Variants in MRPS18B observed in about 807,000 individuals in gnomAD.
MRPS18B encodes small ribosomal subunit protein mS40.
A neutral mutation model predicts 28.4 loss-of-function variants in MRPS18B; 27 were observed. That is an observed-to-expected ratio of 0.95 (90% CI 0.70 to 1.31). The LOEUF (loss-of-function observed/expected upper bound fraction) is 1.31, where lower values mean the gene tolerates loss of function less well. Ranked by LOEUF, MRPS18B falls within the 40% of genes most tolerant of loss-of-function variation. MRPS18B has a pLI of 0.00. For synonymous variants in MRPS18B, 118 were observed against 123.7 expected, an observed-to-expected ratio of 0.95 and a Z score of 0.30; for missense variants, 343 against 335.9, an observed-to-expected ratio of 1.02 and a Z score of -0.17.
chr6:30,619,629 C>G lies in MRPS18B; in HGVS notation c.187+28C>G, dbSNP rs114148005. 9,820 of 1,608,868 alleles carry G rather than the reference C, an allele frequency of 6.1e-3. 44 individuals are homozygous for G. Among genetic ancestry groups the G allele is most frequent in the Non-Finnish European group, 7.4e-3 (8,701 of 1,176,192 alleles). On this transcript the variant is annotated intron_variant, in intron 2 of 6. Coordinates refer to ENST00000259873, the MANE Select transcript of MRPS18B (RefSeq NM_014046.4). ...ACCTCTAAAGGGGGAAAGGGAGGGTCAGATAGGATTTGAGATAAGTGGACA... is the reference window on the plus strand; with the variant it reads ...ACCTCTAAAGGGGGAAAGGGAGGGTGAGATAGGATTTGAGATAAGTGGACA...
At position 30,624,923 on chromosome 6, in the gene MRPS18B, C is replaced by G; in HGVS notation, c.462C>G (p.Ile154Met). ...VKQHKRLTQA[I>M]QKARDHGLLI... ...AGCACAAGCGGTTGACCCAGGCCAT[C>G]CAGAAAGCCAGGGATCATGGTGAGC... The change falls in exon 6 of 7, where the codon ATC becomes ATG. Residue 154 changes from isoleucine (I) to methionine (M), a missense_variant. Physicochemically the swap from Ile to Met is conservative, Grantham distance 10. Transcript: ENST00000259873. The G allele has an allele frequency of 6.2e-7, 1 of 1,613,008 alleles. No individual in the cohort carries two copies. Among genetic ancestry groups the G allele is most frequent in the South Asian group, 1.1e-5 (1 of 91,080 alleles).
chr6:30,623,087 A>C (rs780568086), intron 5 of MRPS18B, among the ~76,000 whole-genome samples, 189 bp downstream of exon 5: 1 of 152,152 alleles, frequency 6.6e-6, no homozygotes, highest in Non-Finnish European at 1.5e-5. Flanking sequence ...CAACAAATAC[A>C]GCCAGGCGTG....
At position 30,619,999 on chromosome 6, in the gene MRPS18B, GTCTTT is replaced by G; in HGVS notation, c.354+17_354+21del. Reference sequence around the variant, plus strand: ...GCATGTTGACTTTAGGGTAAGGAGAGTCTTTTCTTTTTAGGGTAAGAAAAATAAAG... The same window carrying G: ...GCATGTTGACTTTAGGGTAAGGAGAGTCTTTTTAGGGTAAGAAAAATAAAG... On this transcript the variant is annotated intron_variant, in intron 4 of 6. Transcript: ENST00000259873. 3 of 1,613,136 alleles carry G rather than the reference GTCTTT, an allele frequency of 1.9e-6. No individual in the cohort carries two copies. Among genetic ancestry groups the G allele is most frequent in the African/African-American group, 1.3e-5 (1 of 74,994 alleles).
chr6:30,619,832 A>T, intron 3 of MRPS18B, 26 bp downstream of exon 3: 3 of 1,610,426 alleles, frequency 1.9e-6, no homozygotes, highest in Non-Finnish European at 1.7e-6. Flanking sequence ...TGGGATGTGG[A>T]GTGCGGGGAG....
chr6:30,625,908 C>T lies in MRPS18B; in HGVS notation c.*111C>T. ...TTGATCCCAGGAGTTTGAGACCAGCCTGGGCACCATGGTGAAACCTCGTCT... is the reference window on the plus strand; with the variant it reads ...TTGATCCCAGGAGTTTGAGACCAGCTTGGGCACCATGGTGAAACCTCGTCT... On this transcript the variant is annotated 3_prime_UTR_variant, in exon 7 of 7. Coordinates refer to ENST00000259873, the MANE Select transcript of MRPS18B (RefSeq NM_014046.4). 5 of 1,212,530 alleles carry T rather than the reference C, an allele frequency of 4.1e-6. No homozygotes were observed. Among genetic ancestry groups the T allele is most frequent in the Non-Finnish European group, 5.8e-6 (5 of 866,858 alleles). The allele number at this position is 1,212,530 out of a possible 1,614,324, so 75.1% of individuals were successfully genotyped here. A position where few individuals can be genotyped will look rare whatever the true frequency, so the allele number is the denominator to read the frequency against.
Position 30,624,952 on chromosome 6 carries a change from AGAC to A in MRPS18B, c.481+12_481+14del. The A allele has an allele frequency of 6.2e-6, 10 of 1,612,984 alleles. No individual in the cohort carries two copies. Among genetic ancestry groups the A allele is most frequent in the Non-Finnish European group, 8.5e-6 (10 of 1,179,910 alleles). ...AAAGCCAGGGATCATGGTGAGCATG[AGAC>A]GGGGCACACAGCAGTTTTGTTTAGG... On this transcript the variant is annotated intron_variant, in intron 6 of 6. Transcript: ENST00000259873.
At chr6:30,620,040 G>A in intron 4 of MRPS18B, 51 bp downstream of exon 4, 1 of 1,574,140 alleles carries the variant, frequency 6.4e-7, no homozygotes, top group Non-Finnish European at 8.7e-7. Context: ...ATTAGGGGCT[G>A]GGCGCGGTGG....
rs774090947 is a variant in MRPS18B at position 30,617,877 on chromosome 6, T to G, written c.12T>G (p.Ser4=). Residue 4 remains serine (S), a synonymous_variant, in exon 1 of 7, where the codon TCT becomes TCG. Transcript: ENST00000259873. MAA[S]VLNTVLRRLP... is the part of the protein sequence containing the mutation. ...GGGCGTACGTCAAGATGGCGGCGTC[T>G]GTATTAAACACCGTGCTGAGGCGGC... 6.2e-7 allele frequency: 1 copy of G among 1,614,100 alleles called. No individual in the cohort carries two copies. Among genetic ancestry groups the G allele is most frequent in the East Asian group, 2.2e-5 (1 of 44,898 alleles).
intron 5 of MRPS18B, 78 bp from the exon 6 acceptor site, chr6:30,624,805 C>T (rs986254753): frequency 7.3e-6 from 11 of 1,513,448 alleles, no homozygotes; most frequent in Non-Finnish European, 1.0e-5. Context: ...CCCAATCTAC[C>T]CCTCTGTCAC....
At chr6:30,620,088 C>G in intron 4 of MRPS18B, 99 bp downstream of exon 4, 2 of 1,119,770 alleles carry the variant, frequency 1.8e-6, no homozygotes, top group Non-Finnish European at 1.3e-6. Flanking sequence ...GAGGCCAAGG[C>G]AGGTGGATCA....
rs1392287114 is a variant in MRPS18B at position 30,619,999 on chromosome 6, G to A, written c.354+10G>A. ...GCATGTTGACTTTAGGGTAAGGAGAGTCTTTTCTTTTTAGGGTAAGAAAAA... is the reference window on the plus strand; with the variant it reads ...GCATGTTGACTTTAGGGTAAGGAGAATCTTTTCTTTTTAGGGTAAGAAAAA... On this transcript the variant is annotated intron_variant, in intron 4 of 6. Coordinates refer to ENST00000259873, the MANE Select transcript of MRPS18B (RefSeq NM_014046.4). 3.1e-6 allele frequency: 5 copies of A among 1,613,018 alleles called. No individual in the cohort carries two copies. In the African/African-American group the frequency reaches 5.3e-5, roughly 17 times the overall value.
At chr6:30,620,673 G>C (rs928330395) in intron 4 of MRPS18B, among the ~76,000 whole-genome samples, 1 of 151,914 alleles carries the variant, frequency 6.6e-6, no homozygotes, top group African/African-American at 2.4e-5. Context: ...GGGTTCAAGC[G>C]ATTCTCCCGC....
At chr6:30,621,753 GGCCAACAAGGTGAAAC>G (rs1350632263) in intron 4 of MRPS18B, among the ~76,000 whole-genome samples, 4 of 152,170 alleles carry the variant, frequency 2.6e-5, no homozygotes, top group Non-Finnish European at 5.9e-5. Context: ...AGACCAGCCT[GGCCAACAAGGTGAAAC>G]GCCGTCTCTA....
chr6:30,625,813 A>T lies in MRPS18B; in HGVS notation c.*16A>T. 6.3e-7 allele frequency: 1 copy of T among 1,592,002 alleles called. No homozygotes were observed. The highest frequency in any genetic ancestry group is 8.6e-7 in the Non-Finnish European group (1 of 1,164,202). On this transcript the variant is annotated 3_prime_UTR_variant, in exon 7 of 7. Coordinates refer to ENST00000259873, the MANE Select transcript of MRPS18B (RefSeq NM_014046.4). ...TGCTCTGTAGGAGCTGTAGACTGGG[A>T]AGAGAGGCCAGGCGTGGTGGCTCAC...
chr6:30,623,383 C>T (rs898833885), intron 5 of MRPS18B, among the ~76,000 whole-genome samples: 1 of 151,760 alleles, frequency 6.6e-6, no homozygotes, highest in African/African-American at 2.4e-5. Flanking sequence ...TGTAAGCAAA[C>T]TATCTAAATG....
intron 4 of MRPS18B, among the ~76,000 whole-genome samples, chr6:30,622,627 G>A (rs1032519119): frequency 2.0e-5 from 3 of 150,432 alleles, no homozygotes; most frequent in Admixed American, 1.3e-4. Context: ...TGGGAGCACA[G>A]TGACAGAATA....
chr6:30,619,404 G>T, intron 1 of MRPS18B, 89 bp from the exon 2 acceptor site: 3 of 1,013,570 alleles, frequency 3.0e-6, no homozygotes, highest in Non-Finnish European at 4.6e-6. Context: ...TGCAGTATGT[G>T]TGCATTCCTC....
chr6:30,625,834 C>T lies in MRPS18B; in HGVS notation c.*37C>T, dbSNP rs1467733698. 1.9e-6 allele frequency: 3 copies of T among 1,569,672 alleles called. No individual in the cohort carries two copies. Among genetic ancestry groups the T allele is most frequent in the Admixed American group, 1.8e-5 (1 of 56,832 alleles). Reference sequence around the variant, plus strand: ...TGGGAAGAGAGGCCAGGCGTGGTGGCTCACTCCTGTAATCCCAGCACTTTG... The same window carrying T: ...TGGGAAGAGAGGCCAGGCGTGGTGGTTCACTCCTGTAATCCCAGCACTTTG... On this transcript the variant is annotated 3_prime_UTR_variant, in exon 7 of 7. Transcript: ENST00000259873.
chr6:30,621,701 T>C (rs913537870), intron 4 of MRPS18B, among the ~76,000 whole-genome samples: 2 of 152,164 alleles, frequency 1.3e-5, no homozygotes, highest in Admixed American at 6.5e-5. Context: ...CCCAGCACTT[T>C]GGGAGGCCAA....
Sources: allele counts gnomAD v4.1 joint callset (sites outside exome capture counted in the v4.1 genomes callset), GRCh38; gene constraint gnomAD v4.1.1; transcripts MANE v1.5; gene names NCBI Gene and HGNC (gene_info 2026-07-23, HGNC 2026-07-21).